Variants in PPM1E observed in about 807,000 individuals in gnomAD.
The protein encoded by PPM1E is protein phosphatase 1E.
PPM1E carries 20 observed loss-of-function variants against 65.9 expected under a neutral mutation model. The observed-to-expected ratio is 0.30, with a 90% CI of 0.21 to 0.44. The LOEUF (loss-of-function observed/expected upper bound fraction) is 0.44. PPM1E is among the 20% of genes least tolerant of loss of function. The probability of loss-of-function intolerance (pLI) is 1.00; values close to 1 mark genes in which losing one functional copy is unlikely to be tolerated. For synonymous variants in PPM1E, 352 were observed against 374.9 expected (o/e 0.94, Z 0.70); for missense variants, 713 against 953.1 (o/e 0.75, Z 3.32).
intron 2 of PPM1E, among the ~76,000 whole-genome samples, chr17:58,960,974 A>G (rs967525857): frequency 1.3e-5 from 2 of 152,108 alleles, no homozygotes; most frequent in Non-Finnish European, 2.9e-5. Flanking sequence ...TTCCAAATCT[A>G]TAAATTTAAT....
rs932939186 is a variant in PPM1E at position 58,983,621 on chromosome 17, TATA to T, written c.*2592_*2594del. ...GGTGATTGTAAAAATATTAGACAGA[TATA>T]AAAGTATCTATATAATATCTATAAA... On this transcript the variant is annotated 3_prime_UTR_variant, in exon 7 of 7. Transcript: ENST00000308249. The T allele has an allele frequency of 4.6e-5, 7 of 152,650 alleles. No homozygotes were observed. Among genetic ancestry groups the T allele is most frequent in the African/African-American group, 1.7e-4 (7 of 41,454 alleles). The allele number at this position is 152,650 out of a possible 1,614,324, so 9.5% of individuals were successfully genotyped here.
chr17:58,885,257 A>G lies in PPM1E; in HGVS notation c.465-70392A>G, dbSNP rs1189391157. 2.0e-5 allele frequency among the ~76,000 whole-genome samples: 3 copies of G among 152,046 alleles called. No homozygotes were observed. In the East Asian group the frequency reaches 5.8e-4, roughly 29 times the overall value. On this transcript the variant is annotated intron_variant, in intron 1 of 6. Transcript: ENST00000308249. ...TTTTTAGTACAGGTGGGGTTTCACC[A>G]TGTTGGCCAGGCTGGTCTCAAACTC... is the stretch of plus-strand genomic sequence containing the variant.
rs1300335794 is a variant in PPM1E at position 58,984,927 on chromosome 17, T to C, written c.*3896T>C. On this transcript the variant is annotated 3_prime_UTR_variant, in exon 7 of 7. Transcript: ENST00000308249. ...GTAAACTCTTACTCTAGGTGCTCTTTGGTGAGAGACAGGCTTTGTTCTCTT... is the reference window on the plus strand; with the variant it reads ...GTAAACTCTTACTCTAGGTGCTCTTCGGTGAGAGACAGGCTTTGTTCTCTT... The C allele has an allele frequency of 2.0e-5, 3 of 152,658 alleles. No individual in the cohort carries two copies. Among genetic ancestry groups the C allele is most frequent in the Non-Finnish European group, 2.9e-5 (2 of 68,042 alleles). 9.5% of individuals were successfully genotyped at this position (152,658 alleles called of 1,614,324 possible).
At chr17:58,937,892 A>AAAAAAAAAAAAAAAAAAAG (rs57965915) in intron 1 of PPM1E, among the ~76,000 whole-genome samples, 14 of 129,768 alleles carry the variant, frequency 1.1e-4, no homozygotes, top group Non-Finnish European at 1.4e-4. Context: ...AAAAAAAAAA[A>AAAAAAAAAAAAAAAAAAAG]AAAGAAAGAA....
chr17:58,822,330 ATT>A (rs2050489059), intron 1 of PPM1E, among the ~76,000 whole-genome samples: 7 of 2,818 alleles, frequency 2.5e-3, no homozygotes, highest in Non-Finnish European at 0.016. Flanking sequence ...ATTTATTTTT[ATT>A]TATTTATTTA....
At chr17:58,841,495 C>T (rs1393863900) in intron 1 of PPM1E, among the ~76,000 whole-genome samples, 1 of 151,566 alleles carries the variant, frequency 6.6e-6, no homozygotes, top group Admixed American at 6.6e-5. Flanking sequence ...TCTGTAACAC[C>T]AATCTAACCA....
rs185539137 is a variant in PPM1E, at chr17:58,805,314, G to A, written c.464+48853G>A. ...TGCCCAGGCTGGAGTGCAATGCCGC[G>A]ATCTCGGCTCACCTCATCCTCTGCC... On this transcript the variant is annotated intron_variant, in intron 1 of 6. Transcript: ENST00000308249. Among the ~76,000 whole-genome samples, 10 of 152,100 alleles carry A rather than the reference G, an allele frequency of 6.6e-5. No homozygotes were observed. The East Asian group carries it at 1.9e-3, about 29-fold the overall frequency.
chr17:58,854,510 G>A (rs934930070), intron 1 of PPM1E, among the ~76,000 whole-genome samples: 10 of 152,176 alleles, frequency 6.6e-5, no homozygotes, highest in Admixed American at 2.0e-4. Context: ...AAAGCTTTTC[G>A]TCTTTTCATC....
chr17:58,851,174 A>G (rs2050822405), intron 1 of PPM1E, among the ~76,000 whole-genome samples: 1 of 152,076 alleles, frequency 6.6e-6, no homozygotes, highest in South Asian at 2.1e-4. Flanking sequence ...TTAGCCGTTC[A>G]TCTAATCTTT....
chr17:58,872,593 T>A (rs114339305), intron 1 of PPM1E, among the ~76,000 whole-genome samples: 2,956 of 152,338 alleles, frequency 0.019, 95 homozygotes, highest in African/African-American at 0.067. Flanking sequence ...TATGATCTGA[T>A]CACTGTCCAT....
chr17:58,901,440 G>A (rs1426013380), intron 1 of PPM1E, among the ~76,000 whole-genome samples: 5 of 152,146 alleles, frequency 3.3e-5, no homozygotes, highest in Admixed American at 1.3e-4. Flanking sequence ...TTTGGAGGCC[G>A]AGGCAGGCAG....
intron 1 of PPM1E, among the ~76,000 whole-genome samples, chr17:58,800,992 A>AT (rs1450898463): frequency 6.6e-6 from 1 of 151,780 alleles, no homozygotes; most frequent in African/African-American, 2.4e-5. Flanking sequence ...GCTCTTCTTG[A>AT]TTTTTAATTT....
chr17:58,805,834 T>C (rs945297768), intron 1 of PPM1E, among the ~76,000 whole-genome samples: 3 of 151,494 alleles, frequency 2.0e-5, no homozygotes, highest in Non-Finnish European at 2.9e-5. Context: ...TTTGTATCTA[T>C]GTAAAATCAT....
chr17:58,765,327 A>G (rs2049863291), intron 1 of PPM1E, among the ~76,000 whole-genome samples: 1 of 151,624 alleles, frequency 6.6e-6, no homozygotes, highest in Admixed American at 6.6e-5. Flanking sequence ...ACAGGCACGC[A>G]TCACCATGCC....
intron 1 of PPM1E, among the ~76,000 whole-genome samples, chr17:58,892,665 A>G (rs1266912352): frequency 6.6e-6 from 1 of 152,206 alleles, no homozygotes; most frequent in Admixed American, 6.5e-5. Flanking sequence ...GGCAAGCTAC[A>G]GACTGGGAGA....
intron 1 of PPM1E, among the ~76,000 whole-genome samples, chr17:58,872,877 T>C (rs916351775): frequency 2.6e-5 from 4 of 152,212 alleles, no homozygotes; most frequent in African/African-American, 9.6e-5. Flanking sequence ...AAGGAAGTGA[T>C]TGGTTACAGT....
At chr17:58,856,893 A>G (rs1174361254) in intron 1 of PPM1E, among the ~76,000 whole-genome samples, 1 of 152,200 alleles carries the variant, frequency 6.6e-6, no homozygotes, top group Non-Finnish European at 1.5e-5. Context: ...TACAGTCATG[A>G]TAGTAATTTT....
chr17:58,871,970 T>C (rs2051075967), intron 1 of PPM1E, among the ~76,000 whole-genome samples: 1 of 152,226 alleles, frequency 6.6e-6, no homozygotes, highest in African/African-American at 2.4e-5. Flanking sequence ...GTTTTCTCCC[T>C]GACCAAAGTT....
chr17:58,805,985 CAAAACAAAA>C (rs1899653743), intron 1 of PPM1E, among the ~76,000 whole-genome samples: 8 of 77,476 alleles, frequency 1.0e-4, no homozygotes, highest in Non-Finnish European at 1.7e-4. Context: ...AAAAAAAAAA[CAAAACAAAA>C]CAAAACAAAA....
Sources: gnomAD v4.1 joint callset for allele counts (sites outside exome capture counted in the v4.1 genomes callset) on GRCh38, gnomAD v4.1.1 for gene constraint, MANE v1.5 for transcripts, NCBI Gene and HGNC (gene_info 2026-07-23, HGNC 2026-07-21) for gene names.